The following NAV2 variants were observed in gnomAD, a reference collection of about 807,000 sequenced individuals.
NAV2 encodes the protein helicase, APC down-regulated 1.
A neutral mutation model predicts 223.2 loss-of-function variants in NAV2; 54 were observed. The observed-to-expected ratio is 0.24, with a 90% CI of 0.19 to 0.30. NAV2 has a LOEUF of 0.30. NAV2 is among the 10% of genes least tolerant of loss of function. The pLI is 1.00. For synonymous variants in NAV2, 1,279 were observed against 1,239.3 expected (o/e 1.03, Z -0.67); for missense variants, 2,806 against 3,147.5 (o/e 0.89, Z 2.60).
At chr11:19,700,078 A>G (rs1196369974) in intron 1 of NAV2, among the ~76,000 whole-genome samples, 2 of 152,210 alleles carry the variant, frequency 1.3e-5, no homozygotes, top group Non-Finnish European at 2.9e-5. Flanking sequence ...CAGTGGCCCT[A>G]AGGTAGGTGG....
At chr11:19,734,430 C>A (rs2052089540) in intron 1 of NAV2, among the ~76,000 whole-genome samples, 1 of 152,162 alleles carries the variant, frequency 6.6e-6, no homozygotes, top group Non-Finnish European at 1.5e-5. Context: ...AAGGCCTGTG[C>A]CAGCCAATTC....
chr11:19,763,520 A>C (rs1280953912), intron 1 of NAV2, among the ~76,000 whole-genome samples: 2 of 152,166 alleles, frequency 1.3e-5, no homozygotes, highest in Non-Finnish European at 2.9e-5. Context: ...GGTTGTGTGA[A>C]GCCTGGGGGC....
chr11:19,978,438 A>G (rs2049996801), intron 10 of NAV2, among the ~76,000 whole-genome samples: 1 of 152,172 alleles, frequency 6.6e-6, no homozygotes, highest in African/African-American at 2.4e-5. Flanking sequence ...CTAATGCAAC[A>G]AAGTATGTGT....
intron 1 of NAV2, among the ~76,000 whole-genome samples, chr11:19,386,742 A>G (rs1433041175): frequency 6.6e-6 from 1 of 152,204 alleles, no homozygotes; most frequent in South Asian, 2.1e-4. Flanking sequence ...GCAAGCTCCC[A>G]AACAAGCCCC....
At chr11:19,767,163 T>C (rs957005900) in intron 1 of NAV2, among the ~76,000 whole-genome samples, 1 of 152,192 alleles carries the variant, frequency 6.6e-6, no homozygotes, top group African/African-American at 2.4e-5. Flanking sequence ...TCCCCTAGGA[T>C]AGAAACTGGG....
intron 3 of NAV2, among the ~76,000 whole-genome samples, chr11:19,861,101 T>TGGAGAGGGAGAGGGAGAG (rs111442576): frequency 4.2e-5 from 6 of 142,774 alleles, no homozygotes; most frequent in Admixed American, 6.9e-5. Flanking sequence ...AAACAGATAT[T>TGGAGAGGGAGAGGGAGAG]GGAGAGGGAG....
intron 3 of NAV2, among the ~76,000 whole-genome samples, chr11:19,858,529 G>A (rs1474752618): frequency 2.0e-5 from 3 of 152,124 alleles, no homozygotes; most frequent in Non-Finnish European, 2.9e-5. Flanking sequence ...TGAACATGAG[G>A]GTACAGATAT....
intron 26 of NAV2, among the ~76,000 whole-genome samples, chr11:20,088,565 G>A (rs984422035): frequency 1.3e-5 from 2 of 152,186 alleles, no homozygotes; most frequent in African/African-American, 4.8e-5. Flanking sequence ...GGCTGATTCT[G>A]GAGGAGCATA....
intron 1 of NAV2, among the ~76,000 whole-genome samples, chr11:19,444,558 C>T (rs1033911813): frequency 6.6e-6 from 1 of 152,090 alleles, no homozygotes; most frequent in Admixed American, 6.5e-5. Context: ...GAACCGGCCC[C>T]CCACTGCCCA....
chr11:19,385,621 G>A (rs1406412335), intron 1 of NAV2, among the ~76,000 whole-genome samples: 2 of 152,170 alleles, frequency 1.3e-5, no homozygotes, highest in Non-Finnish European at 2.9e-5. Context: ...GGAAAGAGAT[G>A]ATTTTTAACC....
intron 1 of NAV2, among the ~76,000 whole-genome samples, chr11:19,718,916 C>A (rs2050532047): frequency 6.6e-6 from 1 of 152,128 alleles, no homozygotes; most frequent in South Asian, 2.1e-4. Flanking sequence ...TAAGCACACA[C>A]ACACATCAAA....
intron 1 of NAV2, among the ~76,000 whole-genome samples, chr11:19,624,770 A>T (rs2135443198): frequency 6.8e-6 from 1 of 147,146 alleles, no homozygotes; most frequent in East Asian, 2.0e-4. Context: ...TCCTGCACCC[A>T]CTGTCTGACA....
chr11:20,106,146 T>TGG (rs2153707164), intron 35 of NAV2, among the ~76,000 whole-genome samples: 1 of 24,822 alleles, frequency 4.0e-5, no homozygotes, highest in South Asian at 5.0e-3. Context: ...TGTTCATATG[T>TGG]GTGTGTGTGT....
intron 1 of NAV2, among the ~76,000 whole-genome samples, chr11:19,829,663 A>G (rs1454282067): frequency 3.3e-5 from 5 of 152,220 alleles, no homozygotes; most frequent in African/African-American, 1.2e-4. Flanking sequence ...AATTGATAGC[A>G]TAGAAGCTAA....
chr11:20,100,461 C>G (rs1252209529), intron 31 of NAV2, among the ~76,000 whole-genome samples: 2 of 151,730 alleles, frequency 1.3e-5, no homozygotes, highest in African/African-American at 4.8e-5. Flanking sequence ...TGGGAGGGAG[C>G]AGGGTGAAGA....
At chr11:19,380,577 C>T (rs1848804127) in intron 1 of NAV2, 2 of 152,244 alleles carry the variant, frequency 1.3e-5, no homozygotes, top group Non-Finnish European at 2.9e-5. Context: ...GCAGAACCTT[C>T]ATGACAAAGC....
intron 10 of NAV2, among the ~76,000 whole-genome samples, chr11:19,964,288 G>T (rs1306373350): frequency 6.6e-6 from 1 of 152,186 alleles, no homozygotes; most frequent in Non-Finnish European, 1.5e-5. Context: ...AGATTTGTAT[G>T]TGAGGCTCCT....
At chr11:19,866,414 T>C (rs1396735748) in intron 3 of NAV2, among the ~76,000 whole-genome samples, 1 of 152,102 alleles carries the variant, frequency 6.6e-6, no homozygotes, top group African/African-American at 2.4e-5. Context: ...TATAAAATTC[T>C]GGGAAAAAAA....
chr11:19,932,988 A>C (rs929481294), intron 6 of NAV2, among the ~76,000 whole-genome samples, 188 bp from the exon 7 acceptor site: 1 of 152,204 alleles, frequency 6.6e-6, no homozygotes, highest in African/African-American at 2.4e-5. Context: ...TGAACTGTGC[A>C]GTATGGAAAG....
Sources: allele counts gnomAD v4.1 joint callset (sites outside exome capture counted in the v4.1 genomes callset), GRCh38; gene constraint gnomAD v4.1.1; transcripts MANE v1.5; gene names NCBI Gene and HGNC (gene_info 2026-07-23, HGNC 2026-07-21).